The following KRT73 variants were observed in gnomAD, a reference collection of about 807,000 sequenced individuals.
KRT73 encodes the protein keratin 73, also known as keratin, type II cytoskeletal 73.
In KRT73, 44 loss-of-function variants were observed where a neutral mutation model predicts 47.2. The ratio of observed to expected loss-of-function variants is 0.93; its 90% CI spans 0.73 to 1.20. The LOEUF is 1.20. Among genes scored for constraint, KRT73 ranks in the 50% most tolerant of loss-of-function variants. The probability of loss-of-function intolerance (pLI) is 0.00; values close to 1 mark genes in which losing one functional copy is unlikely to be tolerated. For synonymous variants in KRT73, 285 were observed against 291.3 expected, an observed-to-expected ratio of 0.98 and a Z score of 0.22; for missense variants, 713 against 704.5, an observed-to-expected ratio of 1.01 and a Z score of -0.14.
the KRT73 span, among the ~76,000 whole-genome samples, chr12:52,626,592 G>A: frequency 6.6e-6 from 1 of 152,236 alleles, no homozygotes; most frequent in East Asian, 1.9e-4. Flanking sequence ...TTCAAGGGAG[G>A]CTGGGAAATG....
chr12:52,620,882 T>C (rs1940894356), upstream of KRT73, among the ~76,000 whole-genome samples: 1 of 152,196 alleles, frequency 6.6e-6, no homozygotes, highest in East Asian at 1.9e-4. Context: ...TCTACCTGTG[T>C]TCAGGAGGTA....
At chr12:52,629,920 C>T in the KRT73 span, among the ~76,000 whole-genome samples, 1 of 152,198 alleles carries the variant, frequency 6.6e-6, no homozygotes, top group African/African-American at 2.4e-5. Flanking sequence ...CTTGCACAAA[C>T]ACTCACACTC....
At chr12:52,626,150 T>C in the KRT73 span, among the ~76,000 whole-genome samples, 155 of 152,350 alleles carry the variant, frequency 1.0e-3, no homozygotes, top group African/African-American at 3.3e-3. Flanking sequence ...CTGAGCACAT[T>C]AATAAATTAA....
At chr12:52,621,643 C>T (rs1294356587), upstream of KRT73, among the ~76,000 whole-genome samples, 1 of 152,156 alleles carries the variant, frequency 6.6e-6, no homozygotes, top group East Asian at 1.9e-4. Flanking sequence ...TCTGTAGCCA[C>T]ATCATCAGGA....
chr12:52,617,977 T>C, intron 1 of KRT73, 101 bp downstream of exon 1: 1 of 1,311,706 alleles, frequency 7.6e-7, no homozygotes, highest in Non-Finnish European at 1.1e-6. Flanking sequence ...GAGAAAATGA[T>C]TTCTTGCTCT....
intron 1 of KRT73, among the ~76,000 whole-genome samples, chr12:52,616,970 A>G (rs1940827392): frequency 6.6e-6 from 1 of 152,096 alleles, no homozygotes. Flanking sequence ...ACCTACAAAT[A>G]TATCATTCCC....
chr12:52,612,969 G>A (rs1940734071), intron 5 of KRT73: 1 of 152,254 alleles, frequency 6.6e-6, no homozygotes, highest in Admixed American at 6.5e-5. Flanking sequence ...TTTGGGGACT[G>A]AAGAGTTGAG....
chr12:52,618,171 G>T lies in KRT73; in HGVS notation c.354C>A (p.Asn118Lys). The change falls in exon 1 of 9, where the codon AAC becomes AAA. Residue 118 changes from asparagine (N) to lysine (K), a missense_variant. Physicochemically the swap from Asn to Lys is moderately conservative, Grantham distance 94. Coordinates refer to ENST00000305748, the MANE Select transcript of KRT73 (RefSeq NM_175068.3). ...TCTGGATTTCAGGGTCCAGCTCCAC[G>T]TTCAGGGGTGCCAGGAGGCTCTTGT... ...TINKSLLAPLNVELDPEIQKV... is the reference protein window; with the variant it reads ...TINKSLLAPLKVELDPEIQKV... 2 of 1,613,882 alleles carry T rather than the reference G, an allele frequency of 1.2e-6. No homozygotes were observed. The highest frequency in any genetic ancestry group is 2.2e-5 in the East Asian group (1 of 44,856).
At chr12:52,617,742 C>T (rs965873588) in intron 1 of KRT73, among the ~76,000 whole-genome samples, 2 of 152,172 alleles carry the variant, frequency 1.3e-5, no homozygotes, top group Non-Finnish European at 2.9e-5. Flanking sequence ...TCCTCTCACC[C>T]CTCCAACCCT....
rs116282210 is a variant in KRT73 at position 52,616,194 on chromosome 12, G to A, written c.634C>T (p.Arg212Cys). 9.7e-5 allele frequency: 156 copies of A among 1,614,050 alleles called. No individual in the cohort carries two copies. The East Asian group carries it at 1.9e-3, about 19-fold the overall frequency. ...VRLDSELRSV[R>C]EVVEDYKKRY... ...TTCTTGTAGTCCTCCACCACTTCGC[G>A]CACGCTCCTCAGCTCCGAGTCCAGC... The change falls in exon 2 of 9, where the codon CGC becomes TGC. Residue 212 changes from arginine to cysteine, a missense_variant. Coordinates refer to ENST00000305748, the MANE Select transcript of KRT73 (RefSeq NM_175068.3).
At position 52,618,367 on chromosome 12, in the gene KRT73, C is replaced by A. The variant is rs1045971477; in HGVS notation, c.158G>T (p.Gly53Val). The A allele has an allele frequency of 6.2e-7, 1 of 1,613,992 alleles. No individual in the cohort carries two copies. The change falls in exon 1 of 9, where the codon GGT becomes GTT. Residue 53 changes from glycine to valine, a missense_variant. Transcript: ENST00000305748. ...FSSRSLYSLGGARSISFNVAS... is the reference protein window; with the variant it reads ...FSSRSLYSLGVARSISFNVAS... ...CACATTGAAAGAGATGCTCCGGGCA[C>A]CCCCCAGGCTGTAAAGGCTCCGACT...
chr12:52,613,679 C>G lies in KRT73; in HGVS notation c.984+9G>C. 6.2e-7 allele frequency: 1 copy of G among 1,613,642 alleles called. No individual in the cohort carries two copies. Among genetic ancestry groups the G allele is most frequent in the East Asian group, 2.2e-5 (1 of 44,874 alleles). On this transcript the variant is annotated intron_variant, in intron 5 of 8. Transcript: ENST00000305748. Reference sequence around the variant, plus strand: ...GCATACTTCACTATGGGGAGTTTTGCGGCCTCACCTTGGTCTGGTACAGGG... The same window carrying G: ...GCATACTTCACTATGGGGAGTTTTGGGGCCTCACCTTGGTCTGGTACAGGG...
chr12:52,630,607 A>G, the KRT73 span, among the ~76,000 whole-genome samples: 1 of 152,118 alleles, frequency 6.6e-6, no homozygotes. Flanking sequence ...ATGTGAGAAT[A>G]TAGAAAAATT....
the KRT73 span, among the ~76,000 whole-genome samples, chr12:52,628,163 C>A: frequency 6.6e-6 from 1 of 152,190 alleles, no homozygotes; most frequent in South Asian, 2.1e-4. Flanking sequence ...CCCCTCATAG[C>A]CCAGCAGGTC....
intron 3 of KRT73, 194 bp downstream of exon 3, chr12:52,615,085 G>A: frequency 1.8e-6 from 1 of 551,792 alleles, no homozygotes; most frequent in Non-Finnish European, 3.2e-6. Context: ...CTAGGTTCCT[G>A]TCCACAGACA....
chr12:52,614,487 G>T, intron 4 of KRT73, 92 bp downstream of exon 4: 1 of 1,116,066 alleles, frequency 9.0e-7, no homozygotes, highest in Non-Finnish European at 1.3e-6. Context: ...AGGTGCCCTG[G>T]ACTGCTTAAG....
Position 52,611,288 on chromosome 12 carries a change from G to C in KRT73, c.1026C>G (p.Asp342Glu). 2 of 1,614,100 alleles carry C rather than the reference G, an allele frequency of 1.2e-6. No individual in the cohort carries two copies. Among genetic ancestry groups the C allele is most frequent in the Non-Finnish European group, 1.7e-6 (2 of 1,180,022 alleles). ...AGATCTCATTTTTGGTGTGTTTCAG[G>C]TCATCCCCATGCCGGCCGGCTGCTA... Reference protein sequence around the residue: ...LQLAAGRHGDDLKHTKNEISE... With the variant: ...LQLAAGRHGDELKHTKNEISE... The change falls in exon 6 of 9, where the codon GAC (aspartate) becomes GAG (glutamate). Residue 342 changes from aspartate (D) to glutamate (E), a missense_variant. Asp to Glu is a conservative substitution (Grantham distance 45). Transcript: ENST00000305748.
At chr12:52,616,979 C>T (rs1192888560) in intron 1 of KRT73, among the ~76,000 whole-genome samples, 1 of 152,172 alleles carries the variant, frequency 6.6e-6, no homozygotes, top group Admixed American at 6.5e-5. Context: ...TATATCATTC[C>T]CTTGCTTAAA....
chr12:52,627,211 T>C, the KRT73 span, among the ~76,000 whole-genome samples: 1 of 152,222 alleles, frequency 6.6e-6, no homozygotes, highest in Non-Finnish European at 1.5e-5. Flanking sequence ...ATCCTCCTAA[T>C]CTGGGTCTCT....
Sources: gnomAD v4.1 joint callset for allele counts (sites outside exome capture counted in the v4.1 genomes callset) on GRCh38, gnomAD v4.1.1 for gene constraint, MANE v1.5 for transcripts, NCBI Gene and HGNC (gene_info 2026-07-23, HGNC 2026-07-21) for gene names.